JAKMIP2: variants seen among roughly 807,000 people sequenced by gnomAD.
JAKMIP2 encodes janus kinase and microtubule interacting protein 2.
In JAKMIP2, 25 loss-of-function variants were observed where a neutral mutation model predicts 115.0. That is an observed-to-expected ratio of 0.22 (90% CI 0.16 to 0.30). The LOEUF is 0.30. JAKMIP2 is among the 10% of genes least tolerant of loss of function. JAKMIP2 has a pLI of 1.00. For missense variants in JAKMIP2, 642 were observed against 957.6 expected, an observed-to-expected ratio of 0.67 and a Z score of 4.35; for synonymous variants, 334 against 343.6, an observed-to-expected ratio of 0.97 and a Z score of 0.31.
chr5:147,618,512 G>A (rs565652208), intron 18 of JAKMIP2, among the ~76,000 whole-genome samples: 70 of 152,206 alleles, frequency 4.6e-4, no homozygotes, highest in Non-Finnish European at 9.0e-4. Context: ...CGAGGCAGGC[G>A]GATCATCTGA....
Position 147,702,553 on chromosome 5 carries a change from G to GAAGAAAGAAAGAAAGAAAGAAGGA in JAKMIP2, c.-148-30600_-148-30599insTCCTTCTTTCTTTCTTTCTTTCTT, listed in dbSNP as rs1561547103. ...AGGGAGAGAGAGAGAGACAAAGAAA[G>GAAGAAAGAAAGAAAGAAAGAAGGA]AAGAAAGAAAGAAAGAAAGAAAGAA... On this transcript the variant is annotated intron_variant, in intron 1 of 21. Transcript: ENST00000616793. Among the ~76,000 whole-genome samples, 61 of 104,158 alleles carry GAAGAAAGAAAGAAAGAAAGAAGGA rather than the reference G, an allele frequency of 5.9e-4. 4 individuals carry two copies. Among genetic ancestry groups the GAAGAAAGAAAGAAAGAAAGAAGGA allele is most frequent in the Middle Eastern group, 9.5e-3 (2 of 210 alleles). 68.3% of individuals were successfully genotyped at this position (104,158 alleles called of 152,430 possible). A position where few individuals can be genotyped will look rare whatever the true frequency, so the allele number is the denominator to read the frequency against.
chr5:147,697,039 T>A (rs1442643521), intron 1 of JAKMIP2, among the ~76,000 whole-genome samples: 1 of 152,146 alleles, frequency 6.6e-6, no homozygotes, highest in African/African-American at 2.4e-5. Context: ...ACCCATTTTC[T>A]CGGGGAGAAA....
chr5:147,757,017 A>C (rs1754767188), intron 1 of JAKMIP2, among the ~76,000 whole-genome samples: 1 of 152,148 alleles, frequency 6.6e-6, no homozygotes, highest in Non-Finnish European at 1.5e-5. Flanking sequence ...TTTTTGGTAG[A>C]GAAAAGGAAG....
intron 1 of JAKMIP2, among the ~76,000 whole-genome samples, chr5:147,709,888 T>G (rs1752718039): frequency 6.6e-6 from 1 of 152,154 alleles, no homozygotes. Flanking sequence ...CTAGTCTTTC[T>G]TCTTTTGTTC....
At chr5:147,592,655 G>A (rs1034294782) in intron 21 of JAKMIP2, among the ~76,000 whole-genome samples, 1 of 152,192 alleles carries the variant, frequency 6.6e-6, no homozygotes, top group Non-Finnish European at 1.5e-5. Flanking sequence ...CTATTTTCTT[G>A]CTGTATGCCC....
chr5:147,588,401 T>C lies in JAKMIP2; in HGVS notation c.*3306A>G, dbSNP rs1754962557. 6.7e-6 allele frequency: 1 copy of C among 149,862 alleles called. No homozygotes were observed. Among genetic ancestry groups the C allele is most frequent in the African/African-American group, 2.4e-5 (1 of 40,954 alleles). The allele number at this position is 149,862 out of a possible 1,614,324, so 9.3% of individuals were successfully genotyped here. A position where few individuals can be genotyped will look rare whatever the true frequency, so the allele number is the denominator to read the frequency against. ...GTGGGGCCACAGGAAATCTCAGTTA[T>C]TGATAACTTTTTTTTTTTTTTTTTT... On this transcript the variant is annotated 3_prime_UTR_variant, in exon 22 of 22. Coordinates refer to ENST00000616793, the MANE Select transcript of JAKMIP2 (RefSeq NM_001270941.2).
chr5:147,638,596 G>A (rs1324595699), intron 10 of JAKMIP2, among the ~76,000 whole-genome samples: 1 of 151,750 alleles, frequency 6.6e-6, no homozygotes, highest in East Asian at 1.9e-4. Flanking sequence ...GTATAACTGC[G>A]TTACATCTAC....
chr5:147,677,413 T>A (rs1249069567), intron 1 of JAKMIP2, among the ~76,000 whole-genome samples: 1 of 152,160 alleles, frequency 6.6e-6, no homozygotes, highest in Admixed American at 6.5e-5. Flanking sequence ...CTTTATATAT[T>A]AAAAGAGCCC....
chr5:147,764,504 T>C (rs1238878281), intron 1 of JAKMIP2, among the ~76,000 whole-genome samples: 1 of 151,890 alleles, frequency 6.6e-6, no homozygotes, highest in Non-Finnish European at 1.5e-5. Context: ...TGGGGTGGGA[T>C]GCTGGAGCAA....
At chr5:147,776,142 T>A (rs578203042) in intron 1 of JAKMIP2, among the ~76,000 whole-genome samples, 2 of 152,316 alleles carry the variant, frequency 1.3e-5, no homozygotes, top group South Asian at 2.1e-4. Context: ...GAATTCATTA[T>A]GAAATAATGA....
chr5:147,752,693 G>A (rs946901705), intron 1 of JAKMIP2, among the ~76,000 whole-genome samples: 6 of 152,080 alleles, frequency 3.9e-5, no homozygotes, highest in Admixed American at 2.0e-4. Context: ...CCCATGGTGC[G>A]GGGTGGCACT....
chr5:147,652,398 G>A (rs17561036), intron 3 of JAKMIP2, among the ~76,000 whole-genome samples: 11,667 of 152,206 alleles, frequency 0.077, 570 homozygotes, highest in Middle Eastern at 0.17. Context: ...GCTTTATTGC[G>A]TAGCAGTTAT....
intron 1 of JAKMIP2, among the ~76,000 whole-genome samples, chr5:147,747,607 C>G (rs937811460): frequency 3.9e-5 from 6 of 152,124 alleles, no homozygotes; most frequent in African/African-American, 1.2e-4. Flanking sequence ...GCTCTTGTGT[C>G]CCGCAGACCA....
chr5:147,655,599 TTAGTC>T (rs1395266854), intron 3 of JAKMIP2, among the ~76,000 whole-genome samples: 3 of 152,172 alleles, frequency 2.0e-5, no homozygotes, highest in Non-Finnish European at 2.9e-5. Context: ...TTTTTCTTTA[TTAGTC>T]TAGTTAGTGG....
intron 12 of JAKMIP2, among the ~76,000 whole-genome samples, chr5:147,634,940 T>C (rs1265860606): frequency 6.6e-6 from 1 of 152,202 alleles, no homozygotes; most frequent in Admixed American, 6.5e-5. Flanking sequence ...TAACTTTGGA[T>C]TGACCTACAC....
chr5:147,765,116 TA>T (rs1055382731), intron 1 of JAKMIP2, among the ~76,000 whole-genome samples: 4 of 148,456 alleles, frequency 2.7e-5, no homozygotes, highest in Admixed American at 2.7e-4. Flanking sequence ...ATAGATACAT[TA>T]AAAAAAATAA....
intron 1 of JAKMIP2, among the ~76,000 whole-genome samples, chr5:147,678,166 G>A (rs1760074495): frequency 6.6e-6 from 1 of 152,138 alleles, no homozygotes; most frequent in African/African-American, 2.4e-5. Context: ...ACCACTCTCG[G>A]CTAATTTTTG....
chr5:147,662,187 A>ACACACAC (rs1561522635), intron 2 of JAKMIP2, among the ~76,000 whole-genome samples: 1 of 123,756 alleles, frequency 8.1e-6, no homozygotes, highest in African/African-American at 4.1e-5. Context: ...CACACACACA[A>ACACACAC]ACAAAAAACC....
chr5:147,769,402 G>A (rs973099196), intron 1 of JAKMIP2, among the ~76,000 whole-genome samples: 1 of 152,110 alleles, frequency 6.6e-6, no homozygotes, highest in Non-Finnish European at 1.5e-5. Context: ...TCAGAATTCT[G>A]CAGAATGTGT....
Sources: gnomAD v4.1 joint callset for allele counts (sites outside exome capture counted in the v4.1 genomes callset) on GRCh38, gnomAD v4.1.1 for gene constraint, MANE v1.5 for transcripts, NCBI Gene and HGNC (gene_info 2026-07-23, HGNC 2026-07-21) for gene names.